GRIA3: variants seen among roughly 807,000 people sequenced by gnomAD.
The protein encoded by GRIA3 is glutamate ionotropic receptor AMPA type subunit 3, also known as glutamate receptor 3.
In GRIA3, 3 loss-of-function variants were observed where a neutral mutation model predicts 63.0. The ratio of observed to expected loss-of-function variants is 0.05; its 90% confidence interval spans 0.02 to 0.12. The LOEUF is 0.12. Among genes scored for constraint, GRIA3 ranks in the 10% least tolerant of loss-of-function variants. The pLI, the probability that GRIA3 is intolerant of heterozygous loss-of-function variation, is 1.00. For synonymous variants in GRIA3, 274 were observed against 257.9 expected (o/e 1.06, Z -0.60); for missense variants, 347 against 700.9 (o/e 0.50, Z 5.70).
chrX:123,271,573 A>G (rs1277891458), intron 3 of GRIA3, among the ~76,000 whole-genome samples: 1 of 111,955 alleles, frequency 8.9e-6, no homozygotes, highest in Admixed American at 9.5e-5. Flanking sequence ...CCTTACTGAC[A>G]ATGAAAGGCT....
chrX:123,298,932 A>AT (rs1421379961), intron 3 of GRIA3, among the ~76,000 whole-genome samples: 1 of 110,510 alleles, frequency 9.0e-6, no homozygotes, highest in African/African-American at 3.3e-5. Context: ...TCCAGTTTCA[A>AT]TCTTCTGCAT....
chrX:123,316,171 A>T (rs2044830142), intron 3 of GRIA3, among the ~76,000 whole-genome samples: 1 of 111,847 alleles, frequency 8.9e-6, no homozygotes, highest in African/African-American at 3.3e-5. Flanking sequence ...ATGTCAAGAT[A>T]CTTAATGTCA....
intron 12 of GRIA3, among the ~76,000 whole-genome samples, chrX:123,450,013 G>A (rs773613828): frequency 8.9e-6 from 1 of 112,067 alleles, no homozygotes; most frequent in Non-Finnish European, 1.9e-5. Context: ...GTGGGGTCAT[G>A]TTACCTTCCC....
At position 123,369,455 on chromosome X, in the gene GRIA3, T is replaced by C. The variant is rs1394295698; in HGVS notation, c.750+14492T>C. 2.7e-5 allele frequency among the ~76,000 whole-genome samples: 3 copies of C among 112,048 alleles called. No homozygotes were observed. The Admixed American group carries it at 2.8e-4, about 11-fold the overall frequency. ...TTTTCCCAGTTGCTCAGATCCTCAA[T>C]TCCTGTCGAAGATTCGCTGGCCAGC... On this transcript the variant is annotated intron_variant, in intron 5 of 15. Transcript: ENST00000620443.
chrX:123,439,109 G>A (rs1402553852), intron 12 of GRIA3, among the ~76,000 whole-genome samples: 1 of 111,964 alleles, frequency 8.9e-6, no homozygotes, highest in African/African-American at 3.2e-5. Flanking sequence ...TTTAGTTAGT[G>A]GCCCCGACTT....
chrX:123,488,096 C>G (rs765423706), intron 15 of GRIA3, among the ~76,000 whole-genome samples: 5 of 111,996 alleles, frequency 4.5e-5, no homozygotes, highest in Non-Finnish European at 9.4e-5. Flanking sequence ...AAAGAAGACA[C>G]TATCAGCATT....
chrX:123,214,326 A>G (rs1325050297), intron 2 of GRIA3, among the ~76,000 whole-genome samples: 1 of 111,948 alleles, frequency 8.9e-6, no homozygotes, highest in Non-Finnish European at 1.9e-5. Context: ...CTTTGTATCT[A>G]TCCATTATAG....
chrX:123,443,410 G>C (rs771061193), intron 12 of GRIA3, among the ~76,000 whole-genome samples: 1 of 111,788 alleles, frequency 8.9e-6, no homozygotes, highest in Non-Finnish European at 1.9e-5. Context: ...AGAGCCCCCT[G>C]ATTCCTATCC....
chrX:123,267,021 T>C (rs758357996), intron 3 of GRIA3, among the ~76,000 whole-genome samples: 2 of 111,606 alleles, frequency 1.8e-5, no homozygotes, highest in East Asian at 2.8e-4. Flanking sequence ...CTTACAATAG[T>C]ATTATTATTT....
chrX:123,436,508 C>A (rs1298017200), intron 12 of GRIA3, among the ~76,000 whole-genome samples: 1 of 112,459 alleles, frequency 8.9e-6, no homozygotes, highest in African/African-American at 3.2e-5. Flanking sequence ...CAATTTAGAG[C>A]TGCCCTTGAA....
chrX:123,400,498 A>G (rs1004488485), intron 7 of GRIA3, among the ~76,000 whole-genome samples: 2 of 112,274 alleles, frequency 1.8e-5, no homozygotes, highest in African/African-American at 6.5e-5. Context: ...GTTTTACTAC[A>G]TTAAAAGAAA....
At chrX:123,336,664 C>A (rs2044976249) in intron 4 of GRIA3, among the ~76,000 whole-genome samples, 1 of 111,058 alleles carries the variant, frequency 9.0e-6, no homozygotes, top group Admixed American at 9.6e-5. Context: ...AAACCACCAC[C>A]ACCCTACTCT....
At chrX:123,250,985 C>A (rs1482053620) in intron 2 of GRIA3, among the ~76,000 whole-genome samples, 2 of 111,883 alleles carry the variant, frequency 1.8e-5, no homozygotes, top group African/African-American at 6.5e-5. Flanking sequence ...ATCAAGCACA[C>A]TCAGATTCAA....
chrX:123,463,576 A>AAGGAAGGAAGGAAGGAAGGAAGGG (rs1569440728), intron 12 of GRIA3, among the ~76,000 whole-genome samples: 1 of 13,736 alleles, frequency 7.3e-5, no homozygotes, highest in African/African-American at 3.6e-4. Flanking sequence ...GGAAGGAAGG[A>AAGGAAGGAAGGAAGGAAGGAAGGG]AGGGAGGGAG....
At chrX:123,415,995 G>A (rs2045534885) in intron 10 of GRIA3, among the ~76,000 whole-genome samples, 1 of 111,799 alleles carries the variant, frequency 8.9e-6, no homozygotes, top group South Asian at 3.7e-4. Flanking sequence ...AAGCAACTGG[G>A]TTCTGGAATC....
intron 5 of GRIA3, among the ~76,000 whole-genome samples, chrX:123,391,056 T>G (rs1281985182): frequency 8.9e-6 from 1 of 111,732 alleles, no homozygotes; most frequent in Admixed American, 9.5e-5. Flanking sequence ...CTGATTTATT[T>G]GTATTGTTGT....
intron 3 of GRIA3, among the ~76,000 whole-genome samples, chrX:123,284,162 C>A (rs1440867329): frequency 9.0e-6 from 1 of 111,558 alleles, no homozygotes; most frequent in African/African-American, 3.2e-5. Context: ...AGGGGCCTGA[C>A]TGTTAGAAGG....
intron 2 of GRIA3, among the ~76,000 whole-genome samples, chrX:123,202,980 A>C (rs1389597837): frequency 8.9e-6 from 1 of 112,213 alleles, no homozygotes; most frequent in Non-Finnish European, 1.9e-5. Context: ...AGTTGGTGCC[A>C]GCTGAAAATA....
chrX:123,387,364 A>G (rs771214984), intron 5 of GRIA3, among the ~76,000 whole-genome samples: 1 of 111,953 alleles, frequency 8.9e-6, no homozygotes, highest in Non-Finnish European at 1.9e-5. Context: ...TTGTCTTGAT[A>G]TAAGCTCATG....
Sources: gnomAD v4.1 joint callset for allele counts (sites outside exome capture counted in the v4.1 genomes callset) on GRCh38, gnomAD v4.1.1 for gene constraint, MANE v1.5 for transcripts, NCBI Gene and HGNC (gene_info 2026-07-23, HGNC 2026-07-21) for gene names.